FOXO3: variants seen among roughly 807,000 people sequenced by gnomAD.
FOXO3 encodes the protein forkhead box protein O3.
Under a neutral mutation model 41.9 loss-of-function variants are expected in FOXO3, and 4 were observed. The observed-to-expected ratio is 0.10, with a 90% CI of 0.05 to 0.22. FOXO3 has a LOEUF of 0.22. Among genes scored for constraint, FOXO3 ranks in the 10% least tolerant of loss-of-function variants. FOXO3 has a pLI of 1.00. For missense variants in FOXO3, 534 were observed against 906.8 expected, an observed-to-expected ratio of 0.59 and a Z score of 5.28; for synonymous variants, 318 against 389.3, an observed-to-expected ratio of 0.82 and a Z score of 2.16.
intron 1 of FOXO3, among the ~76,000 whole-genome samples, chr6:108,583,378 A>G (rs2128360761): frequency 6.6e-6 from 1 of 152,240 alleles, no homozygotes; most frequent in Non-Finnish European, 1.5e-5. Context: ...ATGGGGCCTG[A>G]GTTTTCTGAG....
chr6:108,664,352 C>T lies in FOXO3; in HGVS notation c.1519C>T (p.Arg507Trp), dbSNP rs1203732560. The change falls in exon 2 of 3, where the codon CGG becomes TGG. Residue 507 changes from arginine (R) to tryptophan (W), a missense_variant. Arg to Trp is a moderately radical substitution (Grantham distance 101). This residue lies in a region of FOXO3 where 94 missense variants were observed against 214.4 expected (regional missense o/e 0.44). Coordinates refer to ENST00000406360, the MANE Select transcript of FOXO3 (RefSeq NM_001455.4). ...CGCTGTGTCTGCCCAGAATTCCCGC[C>T]GGAACGTGATGCTTCGCAATGATCC... Reference protein sequence around the residue: ...STAVSAQNSRRNVMLRNDPMM... With the variant: ...STAVSAQNSRWNVMLRNDPMM... The T allele has an allele frequency of 5.0e-6, 8 of 1,612,292 alleles. No individual in the cohort carries two copies. Among genetic ancestry groups the T allele is most frequent in the East Asian group, 2.2e-5 (1 of 44,812 alleles).
At chr6:108,668,640 C>T (rs1779125720) in intron 2 of FOXO3, among the ~76,000 whole-genome samples, 1 of 152,154 alleles carries the variant, frequency 6.6e-6, no homozygotes, top group Admixed American at 6.5e-5. Flanking sequence ...CATTAGGGAG[C>T]AGCCCAATAT....
At chr6:108,656,935 G>A (rs1166256744) in intron 1 of FOXO3, among the ~76,000 whole-genome samples, 1 of 152,204 alleles carries the variant, frequency 6.6e-6, no homozygotes, top group African/African-American at 2.4e-5. Flanking sequence ...TCTTTATGCT[G>A]ATTTATTCAA....
chr6:108,580,835 A>T (rs910268670), intron 1 of FOXO3, among the ~76,000 whole-genome samples: 1 of 152,258 alleles, frequency 6.6e-6, no homozygotes, highest in Non-Finnish European at 1.5e-5. Context: ...ACAAGCATTC[A>T]CATTGAACAC....
At chr6:108,655,303 T>C (rs1778653441) in intron 1 of FOXO3, among the ~76,000 whole-genome samples, 1 of 152,192 alleles carries the variant, frequency 6.6e-6, no homozygotes, top group African/African-American at 2.4e-5. Context: ...AAAATTACCC[T>C]AGCTCTTATT....
In FOXO3 at chr6:108,649,230, G is replaced by A. The variant is rs527983645; in HGVS notation, c.622-14225G>A. On this transcript the variant is annotated intron_variant, in intron 1 of 2. Transcript: ENST00000406360. ...GATGGCTGCACATGTAGTGGGTTGT[G>A]CAGGAACCTTGAGCTTAGGGATCTT... 2.6e-5 allele frequency among the ~76,000 whole-genome samples: 4 copies of A among 152,198 alleles called. No homozygotes were observed. The South Asian group carries it at 6.2e-4, about 24-fold the overall frequency.
In FOXO3 at chr6:108,680,366, C is replaced by T. The variant is rs1217321580; in HGVS notation, c.*574C>T. On this transcript the variant is annotated 3_prime_UTR_variant, in exon 3 of 3. Coordinates refer to ENST00000406360, the MANE Select transcript of FOXO3 (RefSeq NM_001455.4). ...TGGAACTCCATAAACTAACAAATTA[C>T]ATAAACTAAAGGGGGATTTTCTTTC... The T allele has an allele frequency of 6.6e-6, 1 of 152,598 alleles. No homozygotes were observed. The highest frequency in any genetic ancestry group is 1.9e-4 in the East Asian group (1 of 5,198). The allele number at this position is 152,598 out of a possible 1,614,324, so 9.5% of individuals were successfully genotyped here.
intron 1 of FOXO3, among the ~76,000 whole-genome samples, chr6:108,632,004 A>G (rs1381436247): frequency 6.6e-6 from 1 of 152,008 alleles, no homozygotes; most frequent in Non-Finnish European, 1.5e-5. Context: ...TTGTGTTGTC[A>G]TTATCTGGTT....
chr6:108,646,020 AGGGCT>A (rs1778383826), intron 1 of FOXO3, among the ~76,000 whole-genome samples: 1 of 152,156 alleles, frequency 6.6e-6, no homozygotes, highest in Non-Finnish European at 1.5e-5. Context: ...AAAGAAGTCT[AGGGCT>A]TGTGTGGCCA....
intron 1 of FOXO3, among the ~76,000 whole-genome samples, chr6:108,597,881 T>G (rs573572868): frequency 2.0e-5 from 3 of 152,330 alleles, no homozygotes; most frequent in African/African-American, 7.2e-5. Context: ...CGCCACCTAT[T>G]GTAGTACTAA....
At chr6:108,678,068 A>T (rs962115348) in intron 2 of FOXO3, among the ~76,000 whole-genome samples, 2 of 152,234 alleles carry the variant, frequency 1.3e-5, no homozygotes, top group Non-Finnish European at 2.9e-5. Flanking sequence ...TTTAACAAGG[A>T]TAAGTAAATA....
intron 2 of FOXO3, 97 bp downstream of exon 2, chr6:108,664,986 C>T: frequency 7.9e-7 from 1 of 1,267,320 alleles, no homozygotes; most frequent in Non-Finnish European, 1.1e-6. Flanking sequence ...CTTTATTCCA[C>T]ACTGAAAACC....
intron 1 of FOXO3, among the ~76,000 whole-genome samples, chr6:108,662,380 T>C (rs568123819): frequency 8.5e-5 from 13 of 152,262 alleles, no homozygotes; most frequent in African/African-American, 3.1e-4. Context: ...GTTGCTCTTT[T>C]CCCCCCTTTT....
chr6:108,636,668 G>A (rs530579399), intron 1 of FOXO3, among the ~76,000 whole-genome samples: 18 of 152,264 alleles, frequency 1.2e-4, no homozygotes, highest in Admixed American at 4.6e-4. Context: ...GGTCTCCAGG[G>A]TGTGCTCTGG....
At chr6:108,678,890 T>TTTTTTTTTTTTTTTTTTC (rs368405598) in intron 2 of FOXO3, among the ~76,000 whole-genome samples, 2 of 115,334 alleles carry the variant, frequency 1.7e-5, no homozygotes, top group African/African-American at 2.9e-5. Flanking sequence ...TTTTTTTTTT[T>TTTTTTTTTTTTTTTTTTC]TGAGACGGAG....
chr6:108,622,387 A>T (rs1027139989), intron 1 of FOXO3, among the ~76,000 whole-genome samples: 6 of 151,830 alleles, frequency 4.0e-5, no homozygotes, highest in African/African-American at 1.5e-4. Context: ...CAGGGTGGGC[A>T]GGGAGAGAGA....
intron 1 of FOXO3, among the ~76,000 whole-genome samples, chr6:108,594,318 C>T (rs1230716861): frequency 6.6e-6 from 1 of 152,192 alleles, no homozygotes; most frequent in Non-Finnish European, 1.5e-5. Flanking sequence ...TCTCCTTCCT[C>T]TTTTAGGGAG....
intron 1 of FOXO3, among the ~76,000 whole-genome samples, chr6:108,582,567 C>G (rs1776450525): frequency 6.6e-6 from 1 of 151,984 alleles, no homozygotes; most frequent in Non-Finnish European, 1.5e-5. Flanking sequence ...TTCTGGTTAC[C>G]TTAATCCCTT....
intron 2 of FOXO3, among the ~76,000 whole-genome samples, chr6:108,676,193 G>A (rs895833573): frequency 3.3e-5 from 5 of 152,186 alleles, no homozygotes; most frequent in Non-Finnish European, 7.4e-5. Flanking sequence ...AGGGGAGAGA[G>A]GGCGTCTTCC....
Sources: gnomAD v4.1 joint callset for allele counts (sites outside exome capture counted in the v4.1 genomes callset) on GRCh38, gnomAD v4.1.1 for gene constraint, gnomAD v4.1.1 regional missense constraint, MANE v1.5 for transcripts, NCBI Gene and HGNC (gene_info 2026-07-23, HGNC 2026-07-21) for gene names.